Variants in ZFP82 observed in about 807,000 individuals in gnomAD.
The protein encoded by ZFP82 is zinc finger protein 82 homolog.
A neutral mutation model predicts 54.0 loss-of-function variants in ZFP82; 30 were observed. The ratio of observed to expected loss-of-function variants is 0.56; its 90% CI spans 0.42 to 0.75. The LOEUF (loss-of-function observed/expected upper bound fraction) is 0.75, where lower values mean the gene tolerates loss of function less well. Among genes scored for constraint, ZFP82 ranks in the 30% least tolerant of loss-of-function variants. ZFP82 has a pLI of 0.00. For missense variants in ZFP82, 500 were observed against 636.8 expected, an observed-to-expected ratio of 0.79 and a Z score of 2.31; for synonymous variants, 194 against 209.5, an observed-to-expected ratio of 0.93 and a Z score of 0.64.
Position 36,394,019 on chromosome 19 carries a change from A to C in ZFP82, c.321T>G (p.Ile107Met). The part of the protein sequence containing the change: ...NLSQWKIMER[I>M]ENHGLKGLIL... ...TGAGACCCTTAAGGCCATGGTTTTC[A>C]ATTCTTTCCATTATCTTCCACTGGG... The change falls in exon 5 of 5, where the codon ATT becomes ATG. Residue 107 changes from isoleucine (I) to methionine (M), a missense_variant. Coordinates refer to ENST00000392161, the MANE Select transcript of ZFP82 (RefSeq NM_133466.4). 1 of 1,610,442 alleles carries C rather than the reference A, an allele frequency of 6.2e-7. No individual in the cohort carries two copies. The highest frequency in any genetic ancestry group is 8.5e-7 in the Non-Finnish European group (1 of 1,179,204).
At position 36,390,568 on chromosome 19, in the gene ZFP82, A is replaced by G. The variant is rs2032180048; in HGVS notation, c.*2173T>C. ...TGTGTGTATCCATTTCATCACATCA[A>G]GTTCATCTGGCTGATCTCATTTAGA... On this transcript the variant is annotated 3_prime_UTR_variant, in exon 5 of 5. Transcript: ENST00000392161. 1 of 152,028 alleles carries G rather than the reference A, an allele frequency of 6.6e-6. No individual in the cohort carries two copies. Among genetic ancestry groups the G allele is most frequent in the South Asian group, 2.1e-4 (1 of 4,814 alleles). 9.4% of individuals were successfully genotyped at this position (152,028 alleles called of 1,614,324 possible).
At chr19:36,413,432 G>A (rs991336018) in intron 1 of ZFP82, among the ~76,000 whole-genome samples, 12 of 151,858 alleles carry the variant, frequency 7.9e-5, no homozygotes, top group African/African-American at 2.2e-4. Context: ...AATAATTTAC[G>A]ACAACCTGAA....
chr19:36,406,669 T>G (rs2032487261), intron 3 of ZFP82, among the ~76,000 whole-genome samples: 2 of 152,256 alleles, frequency 1.3e-5, no homozygotes, highest in African/African-American at 4.8e-5. Context: ...CTGTGAATAC[T>G]TATACATCTT....
rs980605125 is a variant in ZFP82 at position 36,392,175 on chromosome 19, G to C, written c.*566C>G. On this transcript the variant is annotated 3_prime_UTR_variant, in exon 5 of 5. Coordinates refer to ENST00000392161, the MANE Select transcript of ZFP82 (RefSeq NM_133466.4). The stretch of plus-strand genomic sequence containing the variant: ...GATGTCAAGAAGACAGGGTTCAGCA[G>C]GTGCCTCTCCCTCTCTACGTAGTTT... The C allele has an allele frequency of 2.6e-5, 4 of 152,620 alleles. No homozygotes were observed. The highest frequency in any genetic ancestry group is 4.1e-4 in the South Asian group (2 of 4,826). 9.5% of individuals were successfully genotyped at this position (152,620 alleles called of 1,614,324 possible).
intron 1 of ZFP82, among the ~76,000 whole-genome samples, chr19:36,410,219 T>G (rs188094593): frequency 6.0e-4 from 91 of 152,294 alleles, no homozygotes; most frequent in Non-Finnish European, 9.4e-4. Flanking sequence ...GCAGCCCTGC[T>G]TGCAGCCAGA....
At chr19:36,402,997 G>C (rs1327857408) in intron 4 of ZFP82, among the ~76,000 whole-genome samples, 1 of 152,000 alleles carries the variant, frequency 6.6e-6, no homozygotes, top group Non-Finnish European at 1.5e-5. Flanking sequence ...AAAAAAATTA[G>C]CCGGGCGTGG....
In ZFP82 at chr19:36,390,624, CTGCTCCA is replaced by C. The variant is rs757047988; in HGVS notation, c.*2110_*2116del. On this transcript the variant is annotated 3_prime_UTR_variant, in exon 5 of 5. Transcript: ENST00000392161. ...TAATATAGATTAGTGTCCTGTCATTCTGCTCCATGCATTATAAGCTTCCTATCCATTT... is the reference window on the plus strand; with the variant it reads ...TAATATAGATTAGTGTCCTGTCATTCTGCATTATAAGCTTCCTATCCATTT... The C allele has an allele frequency of 3.3e-5, 5 of 152,164 alleles. No individual in the cohort carries two copies. The highest frequency in any genetic ancestry group is 4.8e-5 in the African/African-American group (2 of 41,432). 9.4% of individuals were successfully genotyped at this position (152,164 alleles called of 1,614,324 possible).
At position 36,390,755 on chromosome 19, in the gene ZFP82, CTTTGT is replaced by C. The variant is rs143148429; in HGVS notation, c.*1981_*1985del. 0.29 allele frequency: 44,175 copies of C among 151,620 alleles called. 7,435 individuals are homozygous for C. The highest frequency in any genetic ancestry group is 0.42 in the South Asian group (2,018 of 4,806). The allele number at this position is 151,620 out of a possible 1,614,324, so 9.4% of individuals were successfully genotyped here. ...TTTCAAATTCTATCATTCATTTGAT[CTTTGT>C]TTTGTTTTGTTTTTTGTTTTTTGTT... is the stretch of plus-strand genomic sequence containing the variant. On this transcript the variant is annotated 3_prime_UTR_variant, in exon 5 of 5. Coordinates refer to ENST00000392161, the MANE Select transcript of ZFP82 (RefSeq NM_133466.4).
downstream of ZFP82, among the ~76,000 whole-genome samples, chr19:36,388,629 A>G (rs991080537): frequency 6.6e-6 from 1 of 152,304 alleles, no homozygotes; most frequent in Admixed American, 6.5e-5. Flanking sequence ...TAGCTATTTC[A>G]CTTTTTCCAT....
chr19:36,392,753 A>G lies in ZFP82; in HGVS notation c.1587T>C (p.Asn529=). 1.3e-6 allele frequency: 2 copies of G among 1,559,024 alleles called. No individual in the cohort carries two copies. The highest frequency in any genetic ancestry group is 1.2e-5 in the South Asian group (1 of 81,594). ...SHLTHHLKIH[N]VKI ...TGAAAAGACTTTCTTAGATTTTTAC[A>G]TTATGAATTTTCAGATGATGAGTAA... Residue 529 remains asparagine, a synonymous_variant, in exon 5 of 5, where the codon AAT becomes AAC. Coordinates refer to ENST00000392161, the MANE Select transcript of ZFP82 (RefSeq NM_133466.4).
Position 36,393,099 on chromosome 19 carries a change from C to A in ZFP82, c.1241G>T (p.Ser414Ile), listed in dbSNP as rs754357801. Reference protein sequence around the residue: ...SRYSQLISHQSIHIGVKPYDC... With the variant: ...SRYSQLISHQIIHIGVKPYDC... ...ATAGGGCTTAACACCAATATGAATACTCTGATGTGAAATAAGTTGTGAGTA... is the reference window on the plus strand; with the variant it reads ...ATAGGGCTTAACACCAATATGAATAATCTGATGTGAAATAAGTTGTGAGTA... The change falls in exon 5 of 5, where the codon AGT becomes ATT. Residue 414 changes from serine (S) to isoleucine (I), a missense_variant. Ser to Ile is a moderately radical substitution (Grantham distance 142, BLOSUM62 -2). Coordinates refer to ENST00000392161, the MANE Select transcript of ZFP82 (RefSeq NM_133466.4). 5 of 1,611,746 alleles carry A rather than the reference C, an allele frequency of 3.1e-6. No homozygotes were observed. Among genetic ancestry groups the A allele is most frequent in the Non-Finnish European group, 4.2e-6 (5 of 1,179,388 alleles).
At chr19:36,387,260 G>C (rs993111883), downstream of ZFP82, among the ~76,000 whole-genome samples, 4 of 152,108 alleles carry the variant, frequency 2.6e-5, no homozygotes, top group Admixed American at 2.6e-4. Flanking sequence ...GAATTTGGGA[G>C]GCCAGAGAAG....
chr19:36,395,197 G>C (rs2032273121), intron 4 of ZFP82: 1 of 152,080 alleles, frequency 6.6e-6, no homozygotes, highest in Admixed American at 6.6e-5. Context: ...CATAGCTATG[G>C]GTAACTTTTT....
chr19:36,405,777 G>T, intron 3 of ZFP82, 105 bp from the exon 4 acceptor site: 1 of 629,170 alleles, frequency 1.6e-6, no homozygotes, highest in East Asian at 3.0e-5. Context: ...TAATTAATAA[G>T]GCAAAACAAA....
In ZFP82 at chr19:36,391,520, T is replaced by G. The variant is rs1056963994; in HGVS notation, c.*1221A>C. 9.9e-5 allele frequency: 15 copies of G among 150,932 alleles called. No individual in the cohort carries two copies. Among genetic ancestry groups the G allele is most frequent in the African/African-American group, 3.7e-4 (15 of 40,936 alleles). 9.3% of individuals were successfully genotyped at this position (150,932 alleles called of 1,614,324 possible). On this transcript the variant is annotated 3_prime_UTR_variant, in exon 5 of 5. Coordinates refer to ENST00000392161, the MANE Select transcript of ZFP82 (RefSeq NM_133466.4). ...GGTCTTGCAGTCACTCAAGCTGGAGTGCAGTGGTACAATCACAGCTCACTG... is the reference window on the plus strand; with the variant it reads ...GGTCTTGCAGTCACTCAAGCTGGAGGGCAGTGGTACAATCACAGCTCACTG...
chr19:36,385,739 A>G (rs910633304), downstream of ZFP82, among the ~76,000 whole-genome samples: 1 of 152,358 alleles, frequency 6.6e-6, no homozygotes, highest in Non-Finnish European at 1.5e-5. Flanking sequence ...GGCCATCCTT[A>G]TTAGAAATTA....
chr19:36,407,564 C>T (rs971956810), intron 3 of ZFP82, among the ~76,000 whole-genome samples: 1 of 150,350 alleles, frequency 6.7e-6, no homozygotes, highest in Admixed American at 6.7e-5. Context: ...CAAAATATAC[C>T]AACAAGCAAC....
At chr19:36,401,424 AT>A (rs1568486579) in intron 4 of ZFP82, among the ~76,000 whole-genome samples, 3 of 152,112 alleles carry the variant, frequency 2.0e-5, no homozygotes, top group Non-Finnish European at 2.9e-5. Context: ...TTCTGCTTCT[AT>A]TCACCCAGTT....
chr19:36,402,761 C>A (rs141646765), intron 4 of ZFP82, among the ~76,000 whole-genome samples: 4 of 150,518 alleles, frequency 2.7e-5, no homozygotes, highest in South Asian at 2.1e-4. Flanking sequence ...TCTGGGAGGC[C>A]GAGATGGGCG....
Sources: gnomAD v4.1 joint callset for allele counts (sites outside exome capture counted in the v4.1 genomes callset) on GRCh38, gnomAD v4.1.1 for gene constraint, MANE v1.5 for transcripts, NCBI Gene and HGNC (gene_info 2026-07-23, HGNC 2026-07-21) for gene names.